Variants in PDE1C observed in about 807,000 individuals in gnomAD.
The protein encoded by PDE1C is dual specificity calcium/calmodulin-dependent 3',5'-cyclic nucleotide phosphodiesterase 1C.
PDE1C carries 62 observed loss-of-function variants against 93.1 expected under a neutral mutation model. That is an observed-to-expected ratio of 0.67 (90% CI 0.54 to 0.82). PDE1C has a LOEUF of 0.82. Ranked by LOEUF, PDE1C falls within the 40% of genes least tolerant of loss-of-function variation. The pLI is 0.00. For synonymous variants in PDE1C, 325 were observed against 310.1 expected (o/e 1.05, Z -0.50); for missense variants, 742 against 884.6 (o/e 0.84, Z 2.04).
intron 3 of PDE1C, among the ~76,000 whole-genome samples, chr7:32,153,856 T>C (rs57075899): frequency 0.18 from 26,744 of 152,198 alleles, 2,387 homozygotes; most frequent in Middle Eastern, 0.21. Flanking sequence ...TTTAGGTGGA[T>C]TCCTCTCTCT....
intron 16 of PDE1C, among the ~76,000 whole-genome samples, chr7:31,791,964 C>T (rs768463047): frequency 3.3e-5 from 5 of 152,070 alleles, no homozygotes; most frequent in Non-Finnish European, 7.4e-5. Flanking sequence ...TCTCCATCCT[C>T]CCCTCCAGCT....
intron 1 of PDE1C, among the ~76,000 whole-genome samples, chr7:32,293,926 G>C (rs1316832269): frequency 6.6e-6 from 1 of 152,196 alleles, no homozygotes; most frequent in African/African-American, 2.4e-5. Context: ...ACACTCAGCT[G>C]AGAGAGCACA....
At chr7:31,642,367 G>T in the PDE1C span, 6 of 777,084 alleles carry the variant, frequency 7.7e-6, no homozygotes, top group South Asian at 5.6e-5. Context: ...AGAAAGAGGG[G>T]TGTTTTAAAT....
chr7:32,067,777 C>T (rs17160859), intron 1 of PDE1C, among the ~76,000 whole-genome samples: 2,961 of 152,250 alleles, frequency 0.019, 108 homozygotes, highest in East Asian at 0.18. Context: ...ACAGGTCTCA[C>T]GGCCATAAGC....
intron 1 of PDE1C, among the ~76,000 whole-genome samples, chr7:32,420,092 CATATATATATATAT>C (rs371570161): frequency 6.1e-5 from 1 of 16,364 alleles, no homozygotes; most frequent in Non-Finnish European, 1.1e-4. Context: ...GGTGTGGTGG[CATATATATATATAT>C]ATATATATAT....
chr7:32,027,581 G>A (rs377758007), intron 2 of PDE1C, among the ~76,000 whole-genome samples: 34 of 98,178 alleles, frequency 3.5e-4, no homozygotes, highest in Non-Finnish European at 4.6e-4. Context: ...TGCAAAGGCA[G>A]AAAAAAAAAA....
intron 16 of PDE1C, chr7:31,790,154 T>C: frequency 6.3e-7 from 1 of 1,599,112 alleles, no homozygotes. Context: ...GATATGGGTC[T>C]TTGTGGAAGA....
chr7:32,161,754 A>G (rs1298927350), intron 3 of PDE1C, among the ~76,000 whole-genome samples: 3 of 152,194 alleles, frequency 2.0e-5, no homozygotes, highest in Non-Finnish European at 4.4e-5. Context: ...TGGAAGCTCC[A>G]GAAAGAGTGT....
chr7:32,245,264 G>A (rs967797688), intron 1 of PDE1C, among the ~76,000 whole-genome samples: 1 of 152,104 alleles, frequency 6.6e-6, no homozygotes, highest in African/African-American at 2.4e-5. Flanking sequence ...ATCAACCCAA[G>A]CAGGCAGACA....
intron 1 of PDE1C, among the ~76,000 whole-genome samples, chr7:32,051,834 C>A (rs1584611126): frequency 6.6e-6 from 1 of 152,124 alleles, no homozygotes; most frequent in African/African-American, 2.4e-5. Context: ...ATGTTCTTCC[C>A]TTTTCCTTTT....
chr7:32,356,536 C>T lies in PDE1C; in HGVS notation c.310+71286G>A, dbSNP rs116241667. Among the ~76,000 whole-genome samples the T allele has an allele frequency of 4.6e-3, 704 of 152,308 alleles. 10 individuals are homozygous for T. The highest frequency in any genetic ancestry group is 0.016 in the African/African-American group (669 of 41,562). On this transcript the variant is annotated intron_variant, in intron 1 of 1. Coordinates refer to the PDE1C transcript ENST00000672256. ...ATTTAGAATCTCATTTAGATGGGCA[C>T]ATTATAGAATTATATTCACAAATCA...
intron 13 of PDE1C, 141 bp downstream of exon 13, chr7:31,824,726 G>T: frequency 9.6e-7 from 1 of 1,036,684 alleles, no homozygotes; most frequent in Non-Finnish European, 1.4e-6. Flanking sequence ...TCTGAGAAAA[G>T]GAAAGAGGCA....
the PDE1C span, chr7:31,696,923 G>A: frequency 1.3e-6 from 2 of 1,598,992 alleles, no homozygotes. Context: ...TAGGATATAT[G>A]TATTTGATCC....
chr7:31,736,388 C>G, the PDE1C span, among the ~76,000 whole-genome samples: 8 of 152,302 alleles, frequency 5.3e-5, no homozygotes, highest in East Asian at 1.5e-3. Context: ...GTGAGTTCCC[C>G]AAACTGGAGA....
intron 1 of PDE1C, among the ~76,000 whole-genome samples, chr7:32,312,506 T>C (rs1262427077): frequency 1.3e-5 from 2 of 151,786 alleles, no homozygotes; most frequent in African/African-American, 2.4e-5. Context: ...CTTCAAACTA[T>C]ACTACAAGGC....
At chr7:32,192,479 T>C (rs1207625045) in intron 2 of PDE1C, among the ~76,000 whole-genome samples, 1 of 152,214 alleles carries the variant, frequency 6.6e-6, no homozygotes, top group Non-Finnish European at 1.5e-5. Context: ...TTTTCATCTC[T>C]GTCAAAAATC....
At chr7:32,400,634 T>A (rs148305692) in intron 1 of PDE1C, among the ~76,000 whole-genome samples, 14 of 152,228 alleles carry the variant, frequency 9.2e-5, no homozygotes, top group African/African-American at 2.7e-4. Context: ...AGAGTTCACA[T>A]TGGAAAACAC....
At chr7:31,948,650 T>C (rs1806946446) in intron 2 of PDE1C, among the ~76,000 whole-genome samples, 1 of 152,180 alleles carries the variant, frequency 6.6e-6, no homozygotes, top group African/African-American at 2.4e-5. Context: ...CCATCTTACT[T>C]ATCTTTTTGC....
At chr7:32,274,357 A>G (rs1585062428) in intron 1 of PDE1C, among the ~76,000 whole-genome samples, 1 of 147,822 alleles carries the variant, frequency 6.8e-6, no homozygotes, top group African/African-American at 2.5e-5. Flanking sequence ...ACAGGTGTGC[A>G]CCAGCATGTC....
Sources: allele counts gnomAD v4.1 joint callset (sites outside exome capture counted in the v4.1 genomes callset), GRCh38; gene constraint gnomAD v4.1.1; transcripts MANE v1.5; gene names NCBI Gene and HGNC (gene_info 2026-07-23, HGNC 2026-07-21).